The following ANKMY1 variants were observed in gnomAD, a reference collection of about 807,000 sequenced individuals.
ANKMY1 encodes ankyrin repeat and MYND domain-containing protein 1.
Under a neutral mutation model 102.0 loss-of-function variants are expected in ANKMY1, and 98 were observed. The observed-to-expected ratio is 0.96, with a 90% confidence interval of 0.82 to 1.14. The LOEUF (loss-of-function observed/expected upper bound fraction) is 1.14, where lower values mean the gene tolerates loss of function less well. Ranked by LOEUF, ANKMY1 falls within the 50% of genes most tolerant of loss-of-function variation. The pLI is 0.00. For synonymous variants in ANKMY1, 582 were observed against 559.9 expected (o/e 1.04, Z -0.56); for missense variants, 1,330 against 1,347.6 (o/e 0.99, Z 0.20).
In ANKMY1 at chr2:240,526,388, A is replaced by C; in HGVS notation, c.1011T>G (p.Ser337Arg). Residue 337 changes from serine (S) to arginine (R), a missense_variant, in exon 6 of 18, where the codon AGT (serine) becomes AGG (arginine). Ser to Arg is a moderately radical substitution (Grantham distance 110, BLOSUM62 -1). Transcript: ENST00000401804. ...NMGAILEGKR[S>R]GFAPCGPKEQ... ...CTTTGGGCCCACAGGGTGCAAAGCC[A>C]CTGCGCTTCCCCTCCAGGATGGCGC... The C allele has an allele frequency of 1.2e-6, 2 of 1,614,194 alleles. No individual in the cohort carries two copies. The highest frequency in any genetic ancestry group is 1.7e-6 in the Non-Finnish European group (2 of 1,180,030).
chr2:240,503,126 G>GGC (rs2078494263), intron 13 of ANKMY1, among the ~76,000 whole-genome samples: 2 of 152,148 alleles, frequency 1.3e-5, no homozygotes, highest in Admixed American at 1.3e-4. Context: ...GGAAGGCTGG[G>GGC]ACCTTTCCGG....
the ANKMY1 span, among the ~76,000 whole-genome samples, chr2:240,469,568 C>G: frequency 6.6e-6 from 1 of 152,242 alleles, no homozygotes; most frequent in African/African-American, 2.4e-5. Context: ...CCAGCGTCTC[C>G]CACACCATCT....
rs1409764806 is a variant in ANKMY1, at chr2:240,554,802, A to C, written c.336+64T>G. On this transcript the variant is annotated intron_variant, in intron 3 of 17. Transcript: ENST00000401804. ...AAAGTTCCCGTCCCATCACTCTTGG[A>C]AGGATAAAGGCCAGCCACCAGAGGC... 1.9e-6 allele frequency: 3 copies of C among 1,580,208 alleles called. No individual in the cohort carries two copies. In the African/African-American group the frequency reaches 4.0e-5, roughly 21 times the overall value.
intron 12 of ANKMY1, 62 bp downstream of exon 12, chr2:240,509,286 G>T: frequency 7.5e-7 from 1 of 1,333,078 alleles, no homozygotes; most frequent in Non-Finnish European, 1.0e-6. Context: ...CGGACTGGTG[G>T]GGTGGGCACT....
intron 4 of ANKMY1, among the ~76,000 whole-genome samples, chr2:240,547,789 T>TAC (rs1258217516): frequency 2.0e-5 from 3 of 148,276 alleles, no homozygotes; most frequent in Non-Finnish European, 4.5e-5. Context: ...CCTCAACACA[T>TAC]ACACTCTCCC....
intron 2 of ANKMY1, 112 bp from the exon 3 acceptor site, chr2:240,555,167 C>T (rs917276334): frequency 4.1e-5 from 49 of 1,181,234 alleles, no homozygotes; most frequent in Middle Eastern, 2.6e-4. Flanking sequence ...CCCACAGTCC[C>T]GGGGCAGGTG....
At position 240,479,500 on chromosome 2, in the gene ANKMY1, G is replaced by A; in HGVS notation, c.*109C>T. 3.0e-6 allele frequency: 4 copies of A among 1,319,408 alleles called. No homozygotes were observed. Among genetic ancestry groups the A allele is most frequent in the Non-Finnish European group, 4.3e-6 (4 of 927,866 alleles). 81.7% of individuals were successfully genotyped at this position (1,319,408 alleles called of 1,614,324 possible). On this transcript the variant is annotated 3_prime_UTR_variant, in exon 18 of 18. Transcript: ENST00000401804. ...ACTGCTACAAAGCATGACCCCAAAGGTGCAGAAATGCCTGCATTAGGCTGG... is the reference window on the plus strand; with the variant it reads ...ACTGCTACAAAGCATGACCCCAAAGATGCAGAAATGCCTGCATTAGGCTGG...
intron 8 of ANKMY1, among the ~76,000 whole-genome samples, chr2:240,521,540 C>A (rs2082281006): frequency 7.3e-6 from 1 of 136,740 alleles, no homozygotes; most frequent in Non-Finnish European, 1.5e-5. Flanking sequence ...CGCCCTGTCG[C>A]CCAGGCTGGA....
intron 15 of ANKMY1, among the ~76,000 whole-genome samples, chr2:240,497,188 G>A (rs2077377819): frequency 2.6e-5 from 4 of 151,598 alleles, no homozygotes; most frequent in South Asian, 4.2e-4. Context: ...GAATGGAGCC[G>A]CCACCTCCTC....
intron 6 of ANKMY1, 153 bp downstream of exon 6, chr2:240,526,075 GT>G: frequency 9.6e-7 from 1 of 1,044,628 alleles, no homozygotes; most frequent in Non-Finnish European, 1.4e-6. Flanking sequence ...AGCTGAGTGG[GT>G]TTCTGCTGAA....
At chr2:240,500,980 C>T (rs2078079288) in intron 13 of ANKMY1, among the ~76,000 whole-genome samples, 1 of 152,208 alleles carries the variant, frequency 6.6e-6, no homozygotes, top group Non-Finnish European at 1.5e-5. Context: ...CTCAACAAGA[C>T]AGCGAGTGCA....
At chr2:240,525,970 T>C in intron 6 of ANKMY1, 121 bp from the exon 7 acceptor site, 10 of 1,298,478 alleles carry the variant, frequency 7.7e-6, no homozygotes, top group Middle Eastern at 2.1e-4. Flanking sequence ...CCAGTGCTCA[T>C]TCGGGAGCTT....
intron 3 of ANKMY1, chr2:240,553,551 G>GT (rs779537545): frequency 6.2e-5 from 10 of 161,148 alleles, no homozygotes; most frequent in African/African-American, 9.6e-5. Context: ...AACAACAGGA[G>GT]TGAGTGTATC....
chr2:240,479,397 C>G, downstream of ANKMY1: 1 of 637,064 alleles, frequency 1.6e-6, no homozygotes, highest in Non-Finnish European at 2.7e-6. Context: ...GGGACTTTGC[C>G]CAGCTAGGGG....
chr2:240,529,224 G>C lies in ANKMY1; in HGVS notation c.766C>G (p.Pro256Ala). The C allele has an allele frequency of 6.2e-7, 1 of 1,614,212 alleles. No homozygotes were observed. Reference sequence around the variant, plus strand: ...GTCGAGTAGACATACATTTCTGGAGGCAGCGTTAGGTTGTCATTCAGAAGA... The same window carrying C: ...GTCGAGTAGACATACATTTCTGGAGCCAGCGTTAGGTTGTCATTCAGAAGA... ...RFLLNDNLTL[P>A]PEMYVYSTNS... Residue 256 changes from proline (P) to alanine (A), a missense_variant, in exon 5 of 18, where the codon CCT becomes GCT. Coordinates refer to ENST00000401804, the MANE Select transcript of ANKMY1 (RefSeq NM_001282771.3). The surrounding 1 kb of genome is among the most constrained non-coding windows in gnomAD (Gnocchi z 4.2).
At position 240,499,494 on chromosome 2, in the gene ANKMY1, A is replaced by G. The variant is rs1013977387; in HGVS notation, c.2806+464T>C. On this transcript the variant is annotated intron_variant, in intron 15 of 17. Transcript: ENST00000401804. This position sits in a 1 kb window ranked among gnomAD's most constrained non-coding sequence, Gnocchi z 4.2. ...TGGGTGTGGGTACATGGGGGAGTAG[A>G]TGTCAGTAGGTACTGCGTTTGTGGA... is the stretch of plus-strand genomic sequence containing the variant. Among the ~76,000 whole-genome samples the G allele has an allele frequency of 2.0e-5, 3 of 151,656 alleles. No individual in the cohort carries two copies. In the East Asian group the frequency reaches 5.8e-4, roughly 29 times the overall value.
chr2:240,493,924 G>A (rs1452890906), intron 15 of ANKMY1, among the ~76,000 whole-genome samples: 1 of 152,164 alleles, frequency 6.6e-6, no homozygotes, highest in Non-Finnish European at 1.5e-5. Flanking sequence ...ATGGGCAATG[G>A]CAATACCAAT....
chr2:240,540,532 C>A (rs567683821), intron 4 of ANKMY1, among the ~76,000 whole-genome samples: 1 of 152,138 alleles, frequency 6.6e-6, no homozygotes, highest in Non-Finnish European at 1.5e-5. Flanking sequence ...GACTCCAGGC[C>A]CCTCATTCAC....
At chr2:240,512,987 G>T (rs746783157) in intron 9 of ANKMY1, 45 bp from the exon 10 acceptor site, 2 of 1,586,854 alleles carry the variant, frequency 1.3e-6, no homozygotes, top group Admixed American at 3.4e-5. Flanking sequence ...CATTCTCGTA[G>T]GGAGAGACAG....
Sources: allele counts gnomAD v4.1 joint callset (sites outside exome capture counted in the v4.1 genomes callset), GRCh38; gene constraint gnomAD v4.1.1; non-coding constraint Gnocchi (gnomAD v3.1); transcripts MANE v1.5; gene names NCBI Gene and HGNC (gene_info 2026-07-23, HGNC 2026-07-21).